Variants in CLINT1 observed in about 807,000 individuals in gnomAD.
CLINT1 encodes the protein clathrin interactor 1, also known as clathrin interacting protein localized in the trans-Golgi region.
CLINT1 carries 15 observed loss-of-function variants against 70.4 expected under a neutral mutation model. That is an observed-to-expected ratio of 0.21 (90% CI 0.14 to 0.33). The LOEUF (loss-of-function observed/expected upper bound fraction) is 0.33. Among genes scored for constraint, CLINT1 ranks in the 10% least tolerant of loss-of-function variants. The pLI is 1.00. For synonymous variants in CLINT1, 227 were observed against 254.7 expected, an observed-to-expected ratio of 0.89 and a Z score of 1.04; for missense variants, 615 against 778.1, an observed-to-expected ratio of 0.79 and a Z score of 2.49.
chr5:157,823,634 T>A (rs1762942886), intron 1 of CLINT1: 1 of 262,366 alleles, frequency 3.8e-6, no homozygotes, highest in Non-Finnish European at 5.9e-6. Context: ...TATTTAAAAG[T>A]CACCTTTTAT....
chr5:157,798,534 CTT>C (rs1762127145), intron 8 of CLINT1, among the ~76,000 whole-genome samples: 1 of 152,080 alleles, frequency 6.6e-6, no homozygotes, highest in South Asian at 2.1e-4. Flanking sequence ...TTAAGACAAA[CTT>C]TTGCATGAAG....
Position 157,818,769 on chromosome 5 carries a change from C to T in CLINT1, c.42-1222G>A, listed in dbSNP as rs149799178. Among the ~76,000 whole-genome samples, 243 of 152,118 alleles carry T rather than the reference C, an allele frequency of 1.6e-3. 2 individuals carry two copies. Among genetic ancestry groups the T allele is most frequent in the African/African-American group, 5.5e-3 (227 of 41,520 alleles). The stretch of plus-strand genomic sequence containing the variant: ...AAAATCAGATTAAGACATGAGATGG[C>T]AAAATATTTGGTTAAAATGGAATTT... On this transcript the variant is annotated intron_variant, in intron 1 of 11. Transcript: ENST00000411809.
intron 1 of CLINT1, among the ~76,000 whole-genome samples, chr5:157,845,097 C>T (rs112819685): frequency 0.12 from 17,783 of 152,202 alleles, 1,307 homozygotes; most frequent in Non-Finnish European, 0.18. Context: ...GCCTGTAATC[C>T]CAGCACTTTG....
rs867134703 is a variant in CLINT1, at chr5:157,846,629, A to G, written c.41+12301T>C. ...TCATCTAATGAAAGTGGTTACACTA[A>G]ACAGATTTTCAATGGAGATGAAACG... is the stretch of plus-strand genomic sequence containing the variant. On this transcript the variant is annotated intron_variant, in intron 1 of 11. Coordinates refer to ENST00000411809, the MANE Select transcript of CLINT1 (RefSeq NM_014666.4). 3.9e-5 allele frequency among the ~76,000 whole-genome samples: 6 copies of G among 152,376 alleles called. No homozygotes were observed. In the South Asian group the frequency reaches 1.2e-3, roughly 32 times the overall value.
At chr5:157,792,306 G>A (rs1378865903) in intron 9 of CLINT1, among the ~76,000 whole-genome samples, 1 of 152,112 alleles carries the variant, frequency 6.6e-6, no homozygotes, top group East Asian at 1.9e-4. Context: ...CCAGGACTTT[G>A]GGAGGCCGAG....
intron 1 of CLINT1, among the ~76,000 whole-genome samples, chr5:157,838,359 G>A (rs1416299193): frequency 6.6e-6 from 1 of 152,126 alleles, no homozygotes; most frequent in Non-Finnish European, 1.5e-5. Flanking sequence ...CTGACCTCAA[G>A]TGATCCACCT....
intron 1 of CLINT1, among the ~76,000 whole-genome samples, chr5:157,852,322 A>G (rs569998346): frequency 6.6e-6 from 1 of 152,364 alleles, no homozygotes; most frequent in African/African-American, 2.4e-5. Flanking sequence ...TTTATGATTT[A>G]GCAAAAATAA....
chr5:157,850,130 C>T (rs1028570258), intron 1 of CLINT1, among the ~76,000 whole-genome samples: 1 of 152,118 alleles, frequency 6.6e-6, no homozygotes, highest in Non-Finnish European at 1.5e-5. Flanking sequence ...CAGATCTGTA[C>T]AGGCAATTAA....
chr5:157,850,085 T>C (rs1011280637), intron 1 of CLINT1, among the ~76,000 whole-genome samples: 1 of 151,966 alleles, frequency 6.6e-6, no homozygotes, highest in Non-Finnish European at 1.5e-5. Context: ...GGGACAGTGG[T>C]GGGAGAAGAG....
At chr5:157,827,275 A>G (rs1763068413) in intron 1 of CLINT1, among the ~76,000 whole-genome samples, 1 of 152,214 alleles carries the variant, frequency 6.6e-6, no homozygotes, top group African/African-American at 2.4e-5. Flanking sequence ...TCGGACTAAA[A>G]TGTCTATATA....
intron 1 of CLINT1, among the ~76,000 whole-genome samples, chr5:157,826,939 T>G (rs1763058738): frequency 6.6e-6 from 1 of 152,170 alleles, no homozygotes; most frequent in African/African-American, 2.4e-5. Flanking sequence ...TCCTGACAAC[T>G]GCAAACTGTA....
intron 1 of CLINT1, among the ~76,000 whole-genome samples, chr5:157,840,524 G>T (rs1753136335): frequency 6.6e-6 from 1 of 151,596 alleles, no homozygotes; most frequent in Non-Finnish European, 1.5e-5. Context: ...TGAAGCAAAG[G>T]GGGCATGATG....
At chr5:157,839,329 G>A (rs952597059) in intron 1 of CLINT1, among the ~76,000 whole-genome samples, 1 of 152,108 alleles carries the variant, frequency 6.6e-6, no homozygotes, top group Admixed American at 6.6e-5. Context: ...GGCCAGGTGC[G>A]GCGGCTTACG....
chr5:157,821,238 T>G (rs1762873457), intron 1 of CLINT1, among the ~76,000 whole-genome samples: 1 of 152,200 alleles, frequency 6.6e-6, no homozygotes, highest in Non-Finnish European at 1.5e-5. Context: ...GTATATTATT[T>G]TAAACCAGTC....
chr5:157,837,523 A>G (rs910290054), intron 1 of CLINT1, among the ~76,000 whole-genome samples: 1 of 152,216 alleles, frequency 6.6e-6, no homozygotes, highest in African/African-American at 2.4e-5. Context: ...GTCTAAAAGA[A>G]ATGTCAATTA....
At chr5:157,799,278 A>T (rs568261778) in intron 8 of CLINT1, among the ~76,000 whole-genome samples, 1 of 152,186 alleles carries the variant, frequency 6.6e-6, no homozygotes, top group South Asian at 2.1e-4. Context: ...CCCCTACCCA[A>T]ATGATAAGTT....
intron 1 of CLINT1, among the ~76,000 whole-genome samples, chr5:157,850,824 TCA>T (rs1753547947): frequency 6.6e-6 from 1 of 152,058 alleles, no homozygotes; most frequent in Non-Finnish European, 1.5e-5. Flanking sequence ...AGACAAAGTT[TCA>T]CTCTGTTGCC....
chr5:157,834,971 T>C (rs1443273252), intron 1 of CLINT1, among the ~76,000 whole-genome samples: 1 of 152,238 alleles, frequency 6.6e-6, no homozygotes, highest in Non-Finnish European at 1.5e-5. Context: ...TTCACGGTGC[T>C]TTCATGTTCA....
chr5:157,844,945 G>A (rs764707794), intron 1 of CLINT1, among the ~76,000 whole-genome samples: 3 of 152,118 alleles, frequency 2.0e-5, no homozygotes, highest in Non-Finnish European at 4.4e-5. Flanking sequence ...AAGGGTCACC[G>A]ACCTCACAGT....
Sources: allele counts gnomAD v4.1 joint callset (sites outside exome capture counted in the v4.1 genomes callset), GRCh38; gene constraint gnomAD v4.1.1; transcripts MANE v1.5; gene names NCBI Gene and HGNC (gene_info 2026-07-23, HGNC 2026-07-21).